Variants in EBF4 observed in about 807,000 individuals in gnomAD.
The protein encoded by EBF4 is EBF transcription factor 4.
A neutral mutation model predicts 67.1 loss-of-function variants in EBF4; 34 were observed. That is an observed-to-expected ratio of 0.51 (90% CI 0.39 to 0.67). The LOEUF (loss-of-function observed/expected upper bound fraction) is 0.67, where lower values mean the gene tolerates loss of function less well. Among genes scored for constraint, EBF4 ranks in the 30% least tolerant of loss-of-function variants. EBF4 has a pLI of 0.00. For missense variants in EBF4, 837 were observed against 873.3 expected, an observed-to-expected ratio of 0.96 and a Z score of 0.52; for synonymous variants, 387 against 377.7, an observed-to-expected ratio of 1.02 and a Z score of -0.29.
intron 6 of EBF4, among the ~76,000 whole-genome samples, chr20:2,730,720 G>T (rs1288396094): frequency 6.6e-6 from 1 of 152,224 alleles, no homozygotes; most frequent in Admixed American, 6.5e-5. Context: ...GGCATGCGAA[G>T]CTGGCCTGTC....
chr20:2,750,524 G>A (rs1351903451), intron 10 of EBF4, among the ~76,000 whole-genome samples: 2 of 151,980 alleles, frequency 1.3e-5, no homozygotes, highest in African/African-American at 4.8e-5. Flanking sequence ...CTATTTGGCC[G>A]CTGGCCGAGT....
intron 6 of EBF4, among the ~76,000 whole-genome samples, chr20:2,735,440 G>C (rs1442641450): frequency 6.6e-6 from 1 of 152,164 alleles, no homozygotes; most frequent in Non-Finnish European, 1.5e-5. Context: ...CATTTTTCTT[G>C]CCTCAATGTT....
At chr20:2,710,004 C>T (rs2087519963) in intron 6 of EBF4, among the ~76,000 whole-genome samples, 1 of 152,218 alleles carries the variant, frequency 6.6e-6, no homozygotes, top group South Asian at 2.1e-4. Context: ...GGCTCAGGTT[C>T]CCAGTTCACC....
exon 2 of EBF4, chr20:2,705,660 C>T: frequency 1.3e-6 from 2 of 1,552,764 alleles, no homozygotes; most frequent in Non-Finnish European, 1.7e-6. Flanking sequence ...TTCGTGCTGG[C>T]CATGTACGAC....
intron 6 of EBF4, among the ~76,000 whole-genome samples, chr20:2,723,686 T>G (rs961555685): frequency 6.6e-6 from 1 of 152,228 alleles, no homozygotes. Context: ...CTGGATTTTT[T>G]AAATCTAGTC....
At chr20:2,721,607 A>C (rs533873518) in intron 6 of EBF4, among the ~76,000 whole-genome samples, 1 of 152,148 alleles carries the variant, frequency 6.6e-6, no homozygotes, top group East Asian at 1.9e-4. Flanking sequence ...GGCAAGTGCC[A>C]CCATGCCCAG....
intron 6 of EBF4, among the ~76,000 whole-genome samples, chr20:2,738,012 C>A (rs1043522595): frequency 1.3e-5 from 2 of 151,882 alleles, no homozygotes; most frequent in Non-Finnish European, 2.9e-5. Flanking sequence ...AACGTCCTGC[C>A]TCCAGAACCA....
intron 6 of EBF4, among the ~76,000 whole-genome samples, chr20:2,725,141 C>T (rs1325429293): frequency 2.0e-5 from 3 of 152,200 alleles, no homozygotes; most frequent in Admixed American, 6.5e-5. Flanking sequence ...CCTAATGTTA[C>T]ATCTCATTTG....
rs874688 is a variant in EBF4 at position 2,696,683 on chromosome 20, A to G, written c.137+2901A>G. 0.6 allele frequency among the ~76,000 whole-genome samples: 90,343 copies of G among 151,742 alleles called. 29,169 individuals carry two copies. The highest frequency in any genetic ancestry group is 0.86 in the African/African-American group (35,414 of 41,418). On this transcript the variant is annotated intron_variant, in intron 1 of 16. Coordinates refer to ENST00000609451, the Ensembl canonical transcript of EBF4. The surrounding 1 kb of genome is among the most constrained non-coding windows in gnomAD (Gnocchi z 4.7). The stretch of plus-strand genomic sequence containing the variant: ...GTAAGTGCTATGGTCTATTGAAACA[A>G]TCCCTCTGCCCTCAGCACCCGCACA...
chr20:2,694,209 C>T (rs2087254986), intron 1 of EBF4, among the ~76,000 whole-genome samples: 1 of 152,220 alleles, frequency 6.6e-6, no homozygotes, highest in African/African-American at 2.4e-5. Context: ...GAAACCCAGC[C>T]CCCTTTTTCC....
intron 12 of EBF4, 24 bp from the exon 13 acceptor site, chr20:2,752,062 C>G (rs1039795553): frequency 5.5e-6 from 8 of 1,455,644 alleles, no homozygotes; most frequent in Admixed American, 2.9e-5. Flanking sequence ...CTGCCCCGGC[C>G]GTGCCCCGCT....
intron 1 of EBF4, among the ~76,000 whole-genome samples, chr20:2,700,761 T>C (rs1049689603): frequency 6.6e-6 from 1 of 150,708 alleles, no homozygotes; most frequent in Non-Finnish European, 1.5e-5. Context: ...TCCCCAGCCC[T>C]CTCTCTTTGG....
exon 2 of EBF4, chr20:2,705,690 A>G (rs2087443554): frequency 1.3e-6 from 2 of 1,550,842 alleles, no homozygotes; most frequent in Non-Finnish European, 1.7e-6. Context: ...CAGCCCGTGG[A>G]GGTGGAGCGC....
rs1423240319 is a variant in EBF4, at chr20:2,744,496, T to TC, written c.558-4053_558-4052insC. Among the ~76,000 whole-genome samples the TC allele has an allele frequency of 2.4e-3, 332 of 136,994 alleles. 1 individual carries two copies. Among genetic ancestry groups the TC allele is most frequent in the Non-Finnish European group, 4.1e-3 (262 of 64,130 alleles). The allele number at this position is 136,994 out of a possible 152,430, so 89.9% of individuals were successfully genotyped here. On this transcript the variant is annotated intron_variant, in intron 6 of 16. Transcript: ENST00000609451. The stretch of plus-strand genomic sequence containing the variant: ...TCTTTTTTCTTTTTTTCTTTTCTTT[T>TC]TTTTTTTTTTTTTGAGACAGGGTCT...
intron 6 of EBF4, among the ~76,000 whole-genome samples, chr20:2,730,242 G>A (rs6107189): frequency 0.049 from 7,495 of 152,168 alleles, 621 homozygotes; most frequent in African/African-American, 0.17. Flanking sequence ...TGGCAGGTCC[G>A]TGCTCCCTCC....
rs114139830 is a variant in EBF4, at chr20:2,751,886, G to T, written c.1108-36G>T. On this transcript the variant is annotated intron_variant, in intron 11 of 16. Transcript: ENST00000609451. This position sits in a 1 kb window ranked among gnomAD's most constrained non-coding sequence, Gnocchi z 5.2. ...GGCCCCTTGGTCGCCCCCAGGGGCT[G>T]CCCCTCCGTCCCGCTGTCTCTCCCC... 1 of 1,548,870 alleles carries T rather than the reference G, an allele frequency of 6.5e-7. No homozygotes were observed. The highest frequency in any genetic ancestry group is 1.2e-5 in the South Asian group (1 of 84,024).
At position 2,693,917 on chromosome 20, in the gene EBF4, AC is replaced by A; in HGVS notation, c.137+139del. On this transcript the variant is annotated intron_variant, in intron 1 of 16. Transcript: ENST00000609451. The surrounding 1 kb of genome is among the most constrained non-coding windows in gnomAD (Gnocchi z 4.6). ...ACGGTCCCGGCGAGCTCCCCGGCCC[AC>A]CCCGTCCGGAGTGCCTGTGCTGCCT... is the stretch of plus-strand genomic sequence containing the variant. 1 of 1,164,150 alleles carries A rather than the reference AC, an allele frequency of 8.6e-7. No homozygotes were observed. The highest frequency in any genetic ancestry group is 1.1e-6 in the Non-Finnish European group (1 of 925,156). The allele number at this position is 1,164,150 out of a possible 1,614,324, so 72.1% of individuals were successfully genotyped here. A position where few individuals can be genotyped will look rare whatever the true frequency, so the allele number is the denominator to read the frequency against.
intron 6 of EBF4, among the ~76,000 whole-genome samples, chr20:2,731,653 G>C (rs1204213191): frequency 6.6e-6 from 1 of 152,208 alleles, no homozygotes; most frequent in Non-Finnish European, 1.5e-5. Context: ...GCGGACATCT[G>C]TCTGGCCACT....
Position 2,749,527 on chromosome 20 carries a change from C to T in EBF4, c.757+9C>T, listed in dbSNP as rs1312994766. ...CCTGGACCCCTCCGAAGGTCAGGAC[C>T]CCCGGCCCAGCCCCGGCCGCCGCGG... is the stretch of plus-strand genomic sequence containing the variant. On this transcript the variant is annotated intron_variant, in intron 8 of 16. Transcript: ENST00000609451. 1.9e-6 allele frequency: 3 copies of T among 1,543,968 alleles called. No homozygotes were observed. In the Admixed American group the frequency reaches 5.9e-5, roughly 31 times the overall value.
Sources: allele counts gnomAD v4.1 joint callset (sites outside exome capture counted in the v4.1 genomes callset), GRCh38; gene constraint gnomAD v4.1.1; non-coding constraint Gnocchi (gnomAD v3.1); transcripts MANE v1.5; gene names NCBI Gene and HGNC (gene_info 2026-07-23, HGNC 2026-07-21).